The following ZNF550 variants were observed in gnomAD, a reference collection of about 807,000 sequenced individuals.
The protein encoded by ZNF550 is zinc finger protein 550.
ZNF550 carries 42 observed loss-of-function variants against 40.2 expected under a neutral mutation model. The observed-to-expected ratio is 1.05, with a 90% CI of 0.82 to 1.35. The LOEUF is 1.35. Among genes scored for constraint, ZNF550 ranks in the 40% most tolerant of loss-of-function variants. The pLI is 0.00. For missense variants in ZNF550, 549 were observed against 525.2 expected, an observed-to-expected ratio of 1.05 and a Z score of -0.44; for synonymous variants, 223 against 198.6, an observed-to-expected ratio of 1.12 and a Z score of -1.03.
chr19:57,544,608 CTT>C (rs1385589840), intron 4 of ZNF550: 1 of 985,190 alleles, frequency 1.0e-6, no homozygotes, highest in African/African-American at 1.7e-5. Flanking sequence ...ACAGAGAACT[CTT>C]AACTCACCAA....
chr19:57,556,199 G>A, intron 2 of ZNF550, 32 bp downstream of exon 2: 2 of 1,613,550 alleles, frequency 1.2e-6, no homozygotes, highest in Non-Finnish European at 1.7e-6. Context: ...CAGGGTTAGG[G>A]TCCTCCTCAG....
chr19:57,547,102 T>C, exon 4 of ZNF550: 1 of 1,612,012 alleles, frequency 6.2e-7, no homozygotes, highest in Non-Finnish European at 8.5e-7. Flanking sequence ...CGTGCTCCGG[T>C]GAAAGGCTTT....
intron 2 of ZNF550, 69 bp downstream of exon 2, chr19:57,556,162 C>T: frequency 1.2e-6 from 2 of 1,606,418 alleles, no homozygotes; most frequent in Non-Finnish European, 1.7e-6. Context: ...TGGGCAGTTC[C>T]AGTGACCTTT....
intron 3 of ZNF550, among the ~76,000 whole-genome samples, chr19:57,551,355 G>A (rs1007630193): frequency 2.0e-5 from 3 of 152,148 alleles, no homozygotes; most frequent in Non-Finnish European, 2.9e-5. Context: ...CAGAGGAATG[G>A]GGCAGATGTG....
intron 3 of ZNF550, among the ~76,000 whole-genome samples, chr19:57,551,730 A>G (rs2090074191): frequency 6.6e-6 from 1 of 152,244 alleles, no homozygotes; most frequent in Admixed American, 6.5e-5. Context: ...GGGCTGGCCA[A>G]GAAGCCCAAG....
chr19:57,549,698 T>A (rs1208940769), intron 3 of ZNF550, among the ~76,000 whole-genome samples: 1 of 152,074 alleles, frequency 6.6e-6, no homozygotes, highest in African/African-American at 2.4e-5. Flanking sequence ...GAAACCAATA[T>A]AAAAGGGTGA....
At chr19:57,552,867 TC>T (rs1468915316) in intron 2 of ZNF550, 145 bp from the exon 3 acceptor site, 2 of 616,134 alleles carry the variant, frequency 3.2e-6, no homozygotes, top group African/African-American at 3.7e-5. Flanking sequence ...GCCCTGAAAA[TC>T]AAGGGCATTG....
At chr19:57,547,268 T>A (rs1599889601) in exon 4 of ZNF550, 2 of 1,614,030 alleles carry the variant, frequency 1.2e-6, no homozygotes, top group Non-Finnish European at 8.5e-7. Flanking sequence ...TGGGCTCTAT[T>A]GCTAAAGGCT....
chr19:57,542,050 TAA>T (rs1207399867), exon 5 of ZNF550: 1 of 151,136 alleles, frequency 6.6e-6, no homozygotes, highest in African/African-American at 2.4e-5. Flanking sequence ...AAGATACAAA[TAA>T]AGACAGGCCA....
At chr19:57,542,612 A>G (rs1025649073) in exon 5 of ZNF550, 48 of 152,280 alleles carry the variant, frequency 3.2e-4, no homozygotes, top group African/African-American at 1.1e-3. Context: ...AAAAAAAAAG[A>G]ATTGTGAGGT....
intron 4 of ZNF550, chr19:57,544,586 G>T: frequency 1.0e-6 from 1 of 984,988 alleles, no homozygotes; most frequent in East Asian, 1.1e-4. Context: ...ACTCTGTCCT[G>T]AAAAAACAAA....
In ZNF550 at chr19:57,544,210, A is replaced by G. The variant is rs986511339; in HGVS notation, c.*519-967T>C. On this transcript the variant is annotated intron_variant, in intron 4 of 4. Coordinates refer to ENST00000457177, the Ensembl canonical transcript of ZNF550. ...CAACAGTGAGTGGCCATGGAGCTAAATGACAGGTGTCTCATGAGATTCTTG... is the reference window on the plus strand; with the variant it reads ...CAACAGTGAGTGGCCATGGAGCTAAGTGACAGGTGTCTCATGAGATTCTTG... 16 of 985,384 alleles carry G rather than the reference A, an allele frequency of 1.6e-5. No homozygotes were observed. The Middle Eastern group carries it at 1.5e-3, about 95-fold the overall frequency. 61.0% of individuals were successfully genotyped at this position (985,384 alleles called of 1,614,324 possible). A position where few individuals can be genotyped will look rare whatever the true frequency, so the allele number is the denominator to read the frequency against.
chr19:57,559,824 C>A lies in ZNF550; in HGVS notation c.-142G>T, dbSNP rs1347591346. The A allele has an allele frequency of 8.5e-6, 6 of 701,810 alleles. 1 individual carries two copies. The highest frequency in any genetic ancestry group is 3.7e-5 in the African/African-American group (2 of 54,190). The allele number at this position is 701,810 out of a possible 1,614,324, so 43.5% of individuals were successfully genotyped here. A position where few individuals can be genotyped will look rare whatever the true frequency, so the allele number is the denominator to read the frequency against. ...AGTTCTGAGAGCGCGGACCAACACGCCCCACCACAAACGTCCACGCCAGCG... is the reference window on the plus strand; with the variant it reads ...AGTTCTGAGAGCGCGGACCAACACGACCCACCACAAACGTCCACGCCAGCG... On this transcript the variant is annotated 5_prime_UTR_variant, in exon 1 of 5. Transcript: ENST00000457177.
At chr19:57,546,869 T>C in exon 4 of ZNF550, 1 of 1,446,956 alleles carries the variant, frequency 6.9e-7, no homozygotes, top group Non-Finnish European at 9.1e-7. Flanking sequence ...TTTCCTGACA[T>C]TCTTTGCATT....
intron 2 of ZNF550, chr19:57,555,930 C>G (rs1308892766): frequency 2.6e-6 from 1 of 383,038 alleles, no homozygotes; most frequent in East Asian, 6.4e-5. Context: ...CAGCCCATCA[C>G]CCATGGCCCC....
At chr19:57,557,860 G>A (rs187906881) in intron 1 of ZNF550, among the ~76,000 whole-genome samples, 12 of 152,254 alleles carry the variant, frequency 7.9e-5, no homozygotes, top group African/African-American at 2.6e-4. Flanking sequence ...CTCGATTTCC[G>A]AATCAACACA....
chr19:57,552,460 C>T (rs1178132144), intron 3 of ZNF550, 167 bp downstream of exon 3: 2 of 564,014 alleles, frequency 3.5e-6, no homozygotes, highest in Non-Finnish European at 6.3e-6. Flanking sequence ...AATTGTGTGG[C>T]TCAGTGCTCA....
At chr19:57,560,302 C>A (rs1321844977), upstream of ZNF550, among the ~76,000 whole-genome samples, 1 of 152,178 alleles carries the variant, frequency 6.6e-6, no homozygotes, top group Non-Finnish European at 1.5e-5. Flanking sequence ...CCGCGTGGAG[C>A]CATTCCCGGG....
At chr19:57,546,348 T>TA (rs747779325) in intron 4 of ZNF550, 8,022 of 265,172 alleles carry the variant, frequency 0.03, 26 homozygotes, top group Non-Finnish European at 0.034. Flanking sequence ...GAATGTATGT[T>TA]AAAAAAAAAA....
Sources: gnomAD v4.1 joint callset for allele counts (sites outside exome capture counted in the v4.1 genomes callset) on GRCh38, gnomAD v4.1.1 for gene constraint, MANE v1.5 for transcripts, NCBI Gene and HGNC (gene_info 2026-07-23, HGNC 2026-07-21) for gene names.